Variants in GOLGA6L26 observed in about 807,000 individuals in gnomAD.
GOLGA6L26 encodes golgin subfamily A member 6-like protein 26.
the GOLGA6L26 span, among the ~76,000 whole-genome samples, chr15:23,328,341 C>A: frequency 4.9e-5 from 1 of 20,506 alleles, no homozygotes; most frequent in Non-Finnish European, 1.1e-4. Context: ...ACAGTGAAAC[C>A]CCGTCTCTAC....
the GOLGA6L26 span, among the ~76,000 whole-genome samples, chr15:23,328,392 C>A: frequency 7.2e-5 from 1 of 13,962 alleles, no homozygotes; most frequent in African/African-American, 2.5e-4. Context: ...TGGTGGGCAC[C>A]TGTAGTCCCA....
chr15:23,334,170 C>A, the GOLGA6L26 span: 17 of 416,654 alleles, frequency 4.1e-5, no homozygotes, highest in Non-Finnish European at 6.2e-5. Context: ...TATATACCTC[C>A]AGTCACCTCT....
At chr15:23,327,354 C>G in the GOLGA6L26 span, 1 of 895,070 alleles carries the variant, frequency 1.1e-6, no homozygotes. Context: ...ATCTTCTCCT[C>G]CTGCTCCCTT....
the GOLGA6L26 span, chr15:23,334,129 G>A: frequency 2.8e-4 from 234 of 839,862 alleles, 2 homozygotes; most frequent in African/African-American, 7.5e-3. Context: ...TGGGGTTGGG[G>A]CCACATCAGC....
At chr15:23,327,279 G>A in the GOLGA6L26 span, 2 of 447,180 alleles carry the variant, frequency 4.5e-6, no homozygotes, top group Non-Finnish European at 7.8e-6. Context: ...TCCTGTTCCT[G>A]CATCATCTCC....
chr15:23,327,387 T>C, the GOLGA6L26 span: 8,092 of 472,268 alleles, frequency 0.017, 777 homozygotes, highest in African/African-American at 0.061. Flanking sequence ...TGCCTCCACA[T>C]CTTCTCCTCC....
the GOLGA6L26 span, among the ~76,000 whole-genome samples, chr15:23,330,294 GT>G: frequency 1.4e-5 from 1 of 69,986 alleles, no homozygotes. Context: ...TCTATCCTGA[GT>G]TTTTTAATGA....
At chr15:23,327,387 T>G in the GOLGA6L26 span, 3 of 476,464 alleles carry the variant, frequency 6.3e-6, no homozygotes, top group South Asian at 6.6e-5. Context: ...TGCCTCCACA[T>G]CTTCTCCTCC....
the GOLGA6L26 span, chr15:23,327,036 T>C: frequency 3.6e-6 from 1 of 281,162 alleles, no homozygotes; most frequent in African/African-American, 1.0e-4. Flanking sequence ...TCTTGCATCT[T>C]CTCTTCCTGC....
chr15:23,333,999 G>T, the GOLGA6L26 span: 2 of 204,520 alleles, frequency 9.8e-6, 1 homozygote, highest in South Asian at 6.0e-5. Flanking sequence ...GTTGGGTTGG[G>T]GTGTTGGTGC....
chr15:23,328,516 CAAATAAATAAATAAAT>C, the GOLGA6L26 span, among the ~76,000 whole-genome samples: 3 of 46,808 alleles, frequency 6.4e-5, no homozygotes, highest in Non-Finnish European at 1.5e-4. Flanking sequence ...GACTACTTCT[CAAATAAATAAATAAAT>C]AAATAAATAA....
chr15:23,327,549 TCTC>T, the GOLGA6L26 span: 3 of 265,368 alleles, frequency 1.1e-5, no homozygotes, highest in Non-Finnish European at 2.0e-5. Context: ...TGCCTCCACA[TCTC>T]CTCCTGCTCC....
At chr15:23,329,346 CAAAT>C in the GOLGA6L26 span, 3 of 452,916 alleles carry the variant, frequency 6.6e-6, no homozygotes, top group South Asian at 5.9e-5. Context: ...CAATGTACTG[CAAAT>C]AGAGAAAGGT....
At chr15:23,330,786 TC>T in the GOLGA6L26 span, 3 of 277,776 alleles carry the variant, frequency 1.1e-5, no homozygotes, top group South Asian at 2.6e-5. Context: ...CCTGCAAACT[TC>T]CATGAATCAT....
the GOLGA6L26 span, chr15:23,326,833 G>A: frequency 1.6e-5 from 1 of 63,248 alleles, no homozygotes; most frequent in Non-Finnish European, 3.9e-5. Flanking sequence ...AGGTCATTCT[G>A]TATGATCTCC....
the GOLGA6L26 span, chr15:23,327,334 C>T: frequency 7.8e-5 from 77 of 983,756 alleles, 2 homozygotes; most frequent in Non-Finnish European, 1.1e-4. Flanking sequence ...TCTTCTCCTC[C>T]TGCTCCCGTA....
chr15:23,334,140 A>G, the GOLGA6L26 span: 1 of 799,378 alleles, frequency 1.3e-6, no homozygotes, highest in East Asian at 2.7e-5. Flanking sequence ...CCACATCAGC[A>G]TGATCCAGGT....
At chr15:23,334,006 G>C in the GOLGA6L26 span, 3 of 247,606 alleles carry the variant, frequency 1.2e-5, no homozygotes, top group East Asian at 1.3e-4. Context: ...TGGGGTGTTG[G>C]TGCGTTTACC....
chr15:23,328,374 G>A, the GOLGA6L26 span, among the ~76,000 whole-genome samples: 8 of 17,388 alleles, frequency 4.6e-4, no homozygotes, highest in African/African-American at 1.6e-3. Flanking sequence ...AAAATTAGCC[G>A]GGTGTGGTGG....
Sources: allele counts gnomAD v4.1 joint callset (sites outside exome capture counted in the v4.1 genomes callset), GRCh38; gene constraint gnomAD v4.1.1; transcripts MANE v1.5; gene names NCBI Gene and HGNC (gene_info 2026-07-23, HGNC 2026-07-21).